APBA2: variants seen among roughly 807,000 people sequenced by gnomAD.
The protein encoded by APBA2 is amyloid beta precursor protein binding family A member 2.
APBA2 carries 30 observed loss-of-function variants against 75.0 expected under a neutral mutation model. The ratio of observed to expected loss-of-function variants is 0.40; its 90% CI spans 0.30 to 0.54. The LOEUF is 0.54. Among genes scored for constraint, APBA2 ranks in the 20% least tolerant of loss-of-function variants. The pLI is 0.49. For missense variants in APBA2, 801 were observed against 1,016.1 expected (o/e 0.79, Z 2.88); for synonymous variants, 444 against 409.6 (o/e 1.08, Z -1.01).
chr15:29,031,025 A>G (rs995169272), intron 3 of APBA2, among the ~76,000 whole-genome samples: 1 of 152,060 alleles, frequency 6.6e-6, no homozygotes, highest in African/African-American at 2.4e-5. Flanking sequence ...ATGCCTTTGC[A>G]TACTTTGTTG....
chr15:29,072,096 T>C (rs559429591), intron 4 of APBA2, among the ~76,000 whole-genome samples: 7 of 152,314 alleles, frequency 4.6e-5, no homozygotes, highest in Non-Finnish European at 8.8e-5. Context: ...TGAGAGTCTG[T>C]CGCCCTACAT....
At chr15:29,010,106 T>C (rs1287296877) in intron 3 of APBA2, among the ~76,000 whole-genome samples, 1 of 152,206 alleles carries the variant, frequency 6.6e-6, no homozygotes, top group African/African-American at 2.4e-5. Flanking sequence ...GGATGCATGG[T>C]GGGATCCTCT....
At chr15:29,066,148 G>A (rs771643867) in intron 4 of APBA2, among the ~76,000 whole-genome samples, 7 of 152,116 alleles carry the variant, frequency 4.6e-5, no homozygotes, top group Non-Finnish European at 1.0e-4. Context: ...GTGAAAGATA[G>A]CATGTTCATT....
intron 2 of APBA2, chr15:28,977,540 C>T (rs1255736317): frequency 6.6e-6 from 1 of 152,156 alleles, no homozygotes; most frequent in Admixed American, 6.5e-5. Context: ...TTTCCTGATT[C>T]CATTGGCTGT....
intron 3 of APBA2, among the ~76,000 whole-genome samples, chr15:29,028,794 CATAA>C (rs2040349663): frequency 6.6e-6 from 1 of 152,180 alleles, no homozygotes; most frequent in Non-Finnish European, 1.5e-5. Flanking sequence ...TTGATGGCCA[CATAA>C]ATCTCTTCTT....
At chr15:29,114,747 G>A (rs1160574342) in intron 14 of APBA2, among the ~76,000 whole-genome samples, 4 of 150,298 alleles carry the variant, frequency 2.7e-5, no homozygotes, top group African/African-American at 7.5e-5. Flanking sequence ...GATGGGTGTG[G>A]GTGTGTGGCT....
chr15:29,073,021 T>G (rs909897172), intron 4 of APBA2, among the ~76,000 whole-genome samples: 1 of 152,176 alleles, frequency 6.6e-6, no homozygotes, highest in African/African-American at 2.4e-5. Context: ...TCCGGTGGTG[T>G]CTGTGATCCT....
chr15:28,920,085 G>T (rs138265182), intron 1 of APBA2, among the ~76,000 whole-genome samples: 1,677 of 152,252 alleles, frequency 0.011, 14 homozygotes, highest in Non-Finnish European at 0.015. Context: ...TATAAACTGT[G>T]TGCCCTCTCG....
intron 11 of APBA2, 79 bp downstream of exon 11, chr15:29,105,637 C>T (rs979472348): frequency 2.8e-5 from 42 of 1,521,504 alleles, no homozygotes; most frequent in Middle Eastern, 1.7e-4. Flanking sequence ...CGAGCCTTCC[C>T]GGGGTCCTCA....
intron 6 of APBA2, among the ~76,000 whole-genome samples, chr15:29,085,524 C>CAA (rs777850421): frequency 4.9e-4 from 28 of 56,926 alleles, no homozygotes; most frequent in South Asian, 6.7e-4. Flanking sequence ...GACTCCATCT[C>CAA]AAAAAAAAAA....
chr15:28,920,670 G>C (rs2033926569), intron 1 of APBA2, among the ~76,000 whole-genome samples: 1 of 152,220 alleles, frequency 6.6e-6, no homozygotes, highest in Admixed American at 6.5e-5. Flanking sequence ...GAAGTATCAA[G>C]TTGGAAGGCA....
intron 2 of APBA2, among the ~76,000 whole-genome samples, chr15:28,939,158 G>C (rs2035044376): frequency 6.6e-6 from 1 of 152,134 alleles, no homozygotes; most frequent in African/African-American, 2.4e-5. Context: ...GTGTCCGTAG[G>C]GGTCCTGCAC....
chr15:28,905,193 C>G lies in APBA2; in HGVS notation c.-204-16447C>G, dbSNP rs137960226. 2.4e-3 allele frequency among the ~76,000 whole-genome samples: 366 copies of G among 152,280 alleles called. 1 individual carries two copies. The highest frequency in any genetic ancestry group is 8.5e-3 in the African/African-American group (354 of 41,568). On this transcript the variant is annotated intron_variant, in intron 1 of 14. Transcript: ENST00000683413. Reference sequence around the variant, plus strand: ...GAATCCAAGGAAAAGCTGCTGAATTCTGCGGCCCCAGGAGGATCTTTGTCC... The same window carrying G: ...GAATCCAAGGAAAAGCTGCTGAATTGTGCGGCCCCAGGAGGATCTTTGTCC...
At chr15:29,015,769 G>T (rs1026915092) in intron 3 of APBA2, among the ~76,000 whole-genome samples, 3 of 152,172 alleles carry the variant, frequency 2.0e-5, no homozygotes, top group Non-Finnish European at 2.9e-5. Context: ...CCAGGTTTGT[G>T]GGGGGACAAG....
At chr15:29,029,267 C>G (rs547832110) in intron 3 of APBA2, among the ~76,000 whole-genome samples, 11 of 151,782 alleles carry the variant, frequency 7.2e-5, no homozygotes, top group Admixed American at 1.3e-4. Context: ...ACAGGGAATC[C>G]TTTCCCCATT....
chr15:28,942,292 C>G (rs1291720697), intron 2 of APBA2, among the ~76,000 whole-genome samples: 1 of 152,128 alleles, frequency 6.6e-6, no homozygotes, highest in Non-Finnish European at 1.5e-5. Context: ...GCTGCCATTT[C>G]CCGTGTAATC....
At chr15:29,038,471 AG>A (rs1351861059) in intron 3 of APBA2, among the ~76,000 whole-genome samples, 3 of 152,144 alleles carry the variant, frequency 2.0e-5, no homozygotes, top group Admixed American at 6.5e-5. Flanking sequence ...CTGTCTCCAC[AG>A]TGCTGAACCA....
intron 2 of APBA2, among the ~76,000 whole-genome samples, chr15:28,936,917 G>A (rs995811180): frequency 3.9e-5 from 6 of 152,252 alleles, no homozygotes; most frequent in East Asian, 1.9e-4. Context: ...GGCCTCTACC[G>A]GGAGCCCTGT....
At chr15:29,007,549 T>G (rs1392340745) in intron 3 of APBA2, among the ~76,000 whole-genome samples, 1 of 152,182 alleles carries the variant, frequency 6.6e-6, no homozygotes, top group African/African-American at 2.4e-5. Flanking sequence ...AGCCACCTGA[T>G]TAACAAACGA....
Sources: allele counts gnomAD v4.1 joint callset (sites outside exome capture counted in the v4.1 genomes callset), GRCh38; gene constraint gnomAD v4.1.1; transcripts MANE v1.5; gene names NCBI Gene and HGNC (gene_info 2026-07-23, HGNC 2026-07-21).